ZFY: variants seen among roughly 807,000 people sequenced by gnomAD.
The protein encoded by ZFY is zinc finger Y-chromosomal protein.
For missense variants in ZFY, 113 were observed against 170.9 expected (o/e 0.66, Z 1.89); for synonymous variants, 47 against 55.8 (o/e 0.84, Z 0.71).
chrY:2,958,665 A>G (rs200334895), intron 2 of ZFY, among the ~76,000 whole-genome samples: 1 of 33,580 alleles, frequency 3.0e-5, no homozygotes, highest in East Asian at 7.7e-4. Flanking sequence ...TACCTAAACA[A>G]GAGGGGGAAA....
chrY:2,974,463 CAT>C (rs2051359652), intron 3 of ZFY, among the ~76,000 whole-genome samples: 20 of 33,130 alleles, frequency 6.0e-4, no homozygotes, highest in Non-Finnish European at 9.6e-4. Context: ...GGATTACAGA[CAT>C]GTGCCACCAT....
intron 3 of ZFY, among the ~76,000 whole-genome samples, chrY:2,968,736 T>C: frequency 3.0e-5 from 1 of 33,788 alleles, no homozygotes. Flanking sequence ...AGACATTTAA[T>C]TGATCATCAT....
intron 3 of ZFY, among the ~76,000 whole-genome samples, chrY:2,969,953 TGA>T (rs2051342814): frequency 3.0e-5 from 1 of 33,560 alleles, no homozygotes; most frequent in African/African-American, 1.2e-4. Flanking sequence ...ATATATGCAT[TGA>T]GAAATATCTG....
chrY:2,977,511 C>T (rs760942277), intron 6 of ZFY, among the ~76,000 whole-genome samples: 6 of 33,001 alleles, frequency 1.8e-4, no homozygotes, highest in Admixed American at 1.7e-3. Context: ...CCAGGTGTGG[C>T]TCTTGCCTGT....
intron 1 of ZFY, among the ~76,000 whole-genome samples, chrY:2,940,012 T>C (rs868232813): frequency 3.0e-5 from 1 of 33,708 alleles, no homozygotes; most frequent in Non-Finnish European, 7.4e-5. Context: ...AGGTAAACAT[T>C]ATTCCAAAAA....
intron 1 of ZFY, among the ~76,000 whole-genome samples, chrY:2,944,736 A>AT (rs764137501): frequency 4.4e-3 from 19 of 4,295 alleles, no homozygotes; most frequent in Non-Finnish European, 5.6e-3. Flanking sequence ...TCTTTTTATG[A>AT]TTTTTTTTTT....
intron 3 of ZFY, among the ~76,000 whole-genome samples, chrY:2,973,180 G>A (rs2051353709): frequency 6.5e-5 from 2 of 30,854 alleles, no homozygotes; most frequent in South Asian, 1.5e-3. Flanking sequence ...TTGTGCCTCG[G>A]ACTCCCAAGA....
intron 1 of ZFY, 111 bp downstream of exon 1, chrY:2,935,880 T>C (rs775905196): frequency 3.0e-5 from 1 of 33,474 alleles, no homozygotes; most frequent in Non-Finnish European, 7.5e-5. Flanking sequence ...CTGGGGAGTA[T>C]TGAGAGTGTT....
In ZFY at chrY:2,976,672, G is replaced by A; in HGVS notation, c.931G>A (p.Val311Ile). 2.6e-6 allele frequency: 1 copy of A among 385,526 alleles called. No homozygotes were observed. The highest frequency in any genetic ancestry group is 3.1e-5 in the South Asian group (1 of 32,057). ...TTTTTTATTTATTTTGTGCTTAGAT[G>A]TTGCTGAAATTGCTGATGAAGTTTA... ...DSQQEDEDLN[V>I]AEIADEVYME... is the part of the protein sequence containing the mutation. The change falls in exon 6 of 8, where the codon GTT becomes ATT. Residue 311 changes from valine to isoleucine, a missense_variant and splice_region_variant. By Grantham distance (29) the Val-to-Ile change is conservative. Transcript: ENST00000155093.
At chrY:2,938,846 G>C in intron 1 of ZFY, among the ~76,000 whole-genome samples, 1 of 29,576 alleles carries the variant, frequency 3.4e-5, no homozygotes, top group South Asian at 7.6e-4. Flanking sequence ...CTAAAGTGCT[G>C]GGATTACAGG....
Position 2,961,455 on chromosome Y carries a change from A to C in ZFY, c.443A>C (p.His148Pro), listed in dbSNP as rs765807969. 3 of 397,610 alleles carry C rather than the reference A, an allele frequency of 7.5e-6. No homozygotes were observed. Among genetic ancestry groups the C allele is most frequent in the Admixed American group, 1.5e-4 (2 of 13,243 alleles). Residue 148 changes from histidine (H) to proline (P), a missense_variant, in exon 3 of 8, where the codon CAT becomes CCT. By Grantham distance (77) the His-to-Pro change is moderately conservative. Coordinates refer to ENST00000155093, the MANE Select transcript of ZFY (RefSeq NM_003411.4). ...SESMHVCDIG[H>P]VEHMVHDSVV... ...TCCATGCATGTGTGTGACATTGGAC[A>C]TGTTGAACATATGGTGCATGATAGT...
At chrY:2,970,449 CA>C (rs2051344516) in intron 3 of ZFY, among the ~76,000 whole-genome samples, 3 of 33,277 alleles carry the variant, frequency 9.0e-5, no homozygotes, top group Admixed American at 5.5e-4. Flanking sequence ...AAAGATGAGA[CA>C]ATTTGAGTGG....
At chrY:2,977,780 CAAAAAAA>C (rs1268151770) in intron 6 of ZFY, 153 bp from the exon 7 acceptor site, 2 of 11,817 alleles carry the variant, frequency 1.7e-4, no homozygotes, top group African/African-American at 2.9e-3. Context: ...GACTCTGTCT[CAAAAAAA>C]AAAAAAAAAA....
At chrY:2,938,994 TATATATA>T (rs2051228852) in intron 1 of ZFY, among the ~76,000 whole-genome samples, 1 of 15,694 alleles carries the variant, frequency 6.4e-5, no homozygotes, top group Non-Finnish European at 1.5e-4. Flanking sequence ...TATATATATA[TATATATA>T]TATATATATA....
At chrY:2,957,682 C>T in intron 2 of ZFY, among the ~76,000 whole-genome samples, 2 of 33,490 alleles carry the variant, frequency 6.0e-5, no homozygotes, top group African/African-American at 2.3e-4. Flanking sequence ...GTATAAGCAG[C>T]TCTCCACTTC....
intron 2 of ZFY, among the ~76,000 whole-genome samples, chrY:2,960,795 GT>G (rs2051306655): frequency 3.1e-5 from 1 of 31,986 alleles, no homozygotes; most frequent in Non-Finnish European, 7.7e-5. Flanking sequence ...TTGCCCCAAG[GT>G]TTTTTTTATT....
intron 2 of ZFY, among the ~76,000 whole-genome samples, chrY:2,955,866 G>C: frequency 3.0e-5 from 1 of 33,383 alleles, no homozygotes; most frequent in Non-Finnish European, 7.4e-5. Context: ...TTTCTTAGAG[G>C]TGTTGGGTAT....
At chrY:2,937,637 A>G (rs972555471) in intron 1 of ZFY, among the ~76,000 whole-genome samples, 2 of 33,377 alleles carry the variant, frequency 6.0e-5, no homozygotes, top group East Asian at 7.7e-4. Flanking sequence ...GTGGTTGAAA[A>G]TTACAAAAGT....
chrY:2,940,605 A>G, intron 1 of ZFY, among the ~76,000 whole-genome samples: 2 of 33,213 alleles, frequency 6.0e-5, no homozygotes, highest in African/African-American at 1.2e-4. Flanking sequence ...GTGCTTCCCA[A>G]TCCTGCTTCT....
Sources: allele counts gnomAD v4.1 joint callset (sites outside exome capture counted in the v4.1 genomes callset), GRCh38; gene constraint gnomAD v4.1.1; transcripts MANE v1.5; gene names NCBI Gene and HGNC (gene_info 2026-07-23, HGNC 2026-07-21).